Variants in ZNF575 observed in about 807,000 individuals in gnomAD.
ZNF575 encodes zinc finger protein 575.
Under a neutral mutation model 17.5 loss-of-function variants are expected in ZNF575, and 17 were observed. The observed-to-expected ratio is 0.97, with a 90% CI of 0.66 to 1.45. The LOEUF (loss-of-function observed/expected upper bound fraction) is 1.45, where lower values mean the gene tolerates loss of function less well. ZNF575 is among the 40% of genes most tolerant of loss of function. The probability of loss-of-function intolerance (pLI) is 0.00; values close to 1 mark genes in which losing one functional copy is unlikely to be tolerated. For missense variants in ZNF575, 352 were observed against 359.2 expected (o/e 0.98, Z 0.16); for synonymous variants, 146 against 158.3 (o/e 0.92, Z 0.58).
rs1420821075 is a variant in ZNF575 at position 43,535,743 on chromosome 19, G to A, written c.*56G>A. The A allele has an allele frequency of 1.1e-5, 16 of 1,506,360 alleles. No individual in the cohort carries two copies. Among genetic ancestry groups the A allele is most frequent in the Non-Finnish European group, 1.4e-5 (16 of 1,125,702 alleles). 93.3% of individuals were successfully genotyped at this position (1,506,360 alleles called of 1,614,324 possible). ...CGCCAGCCCTAGCCAGTAAGAGGTG[G>A]GATTTCTAAGACCGACTGTATGAGC... On this transcript the variant is annotated 3_prime_UTR_variant, in exon 4 of 4. Coordinates refer to ENST00000314228, the MANE Select transcript of ZNF575 (RefSeq NM_174945.3).
chr19:43,532,528 TCA>T (rs1374322106), upstream of ZNF575, among the ~76,000 whole-genome samples: 1 of 152,094 alleles, frequency 6.6e-6, no homozygotes, highest in Non-Finnish European at 1.5e-5. Flanking sequence ...CTAGAAAGGG[TCA>T]CACGGCTAGA....
rs190004609 is a variant in ZNF575 at position 43,534,316 on chromosome 19, C to A, written c.-86-21C>A. 5.9e-4 allele frequency: 636 copies of A among 1,085,166 alleles called. 2 individuals carry two copies. The African/African-American group carries it at 7.9e-3, about 13-fold the overall frequency. 67.2% of individuals were successfully genotyped at this position (1,085,166 alleles called of 1,614,324 possible). ...CATACTTGCAGACCTTGCTCCTAAA[C>A]AGTGTGATCCCTCATTTTAGGCCCT... On this transcript the variant is annotated intron_variant, in intron 2 of 3. Transcript: ENST00000314228.
upstream of ZNF575, chr19:43,531,904 G>A (rs906606218): frequency 7.3e-5 from 39 of 530,848 alleles, no homozygotes; most frequent in Middle Eastern, 9.7e-4. Flanking sequence ...CCCTACCCCC[G>A]TGAAATAGCT....
At chr19:43,532,636 G>A (rs1231723966), upstream of ZNF575, among the ~76,000 whole-genome samples, 1 of 152,168 alleles carries the variant, frequency 6.6e-6, no homozygotes, top group Non-Finnish European at 1.5e-5. Flanking sequence ...CAGACCTTGC[G>A]GGTTATCGGA....
upstream of ZNF575, among the ~76,000 whole-genome samples, chr19:43,532,365 G>A (rs999748055): frequency 1.2e-4 from 18 of 152,024 alleles, no homozygotes; most frequent in Admixed American, 1.1e-3. Flanking sequence ...CAAGTGATTC[G>A]CCCGCCTCTG....
upstream of ZNF575, among the ~76,000 whole-genome samples, chr19:43,532,260 G>A (rs1438661049): frequency 6.6e-6 from 1 of 151,824 alleles, no homozygotes; most frequent in African/African-American, 2.4e-5. Flanking sequence ...AACTCCTGAC[G>A]TCAGGTGATC....
At position 43,536,002 on chromosome 19, in the gene ZNF575, C is replaced by T. The variant is rs1972416460; in HGVS notation, c.*315C>T. Reference sequence around the variant, plus strand: ...GATGAGGATTGTGGGCAAACAGGCTCTCTTGTTAAAAGTTTAAACTGGTGT... The same window carrying T: ...GATGAGGATTGTGGGCAAACAGGCTTTCTTGTTAAAAGTTTAAACTGGTGT... On this transcript the variant is annotated 3_prime_UTR_variant, in exon 4 of 4. Transcript: ENST00000314228. 8.7e-6 allele frequency: 3 copies of T among 343,286 alleles called. No individual in the cohort carries two copies. The highest frequency in any genetic ancestry group is 1.1e-5 in the Non-Finnish European group (2 of 187,296). 21.3% of individuals were successfully genotyped at this position (343,286 alleles called of 1,614,324 possible). A position where few individuals can be genotyped will look rare whatever the true frequency, so the allele number is the denominator to read the frequency against.
chr19:43,535,006 C>T (rs1406637087), intron 3 of ZNF575, 23 bp from the exon 4 acceptor site: 4 of 1,410,692 alleles, frequency 2.8e-6, no homozygotes, highest in Non-Finnish European at 3.7e-6. Context: ...TTCCTGGAGC[C>T]CACCAGCCCT....
chr19:43,533,146 C>G (rs1972363065), upstream of ZNF575: 1 of 152,242 alleles, frequency 6.6e-6, no homozygotes, highest in Non-Finnish European at 1.5e-5. Context: ...AGTCAGCCAC[C>G]GTAGGCCCCG....
chr19:43,532,759 A>T (rs909006227), upstream of ZNF575, among the ~76,000 whole-genome samples: 1 of 152,218 alleles, frequency 6.6e-6, no homozygotes, highest in Non-Finnish European at 1.5e-5. Flanking sequence ...ATGCCACCCC[A>T]GGCCTGGCAC....
At position 43,533,394 on chromosome 19, in the gene ZNF575, C is replaced by G. The variant is rs1479670063; in HGVS notation, c.-322C>G. ...CTCCCTTGCCTGCCCTCCCCCGACG[C>G]CGGACGCGCGCCGGGCGGGGCAGCT... On this transcript the variant is annotated 5_prime_UTR_variant, in exon 1 of 4. Coordinates refer to ENST00000314228, the MANE Select transcript of ZNF575 (RefSeq NM_174945.3). 6.6e-6 allele frequency: 1 copy of G among 152,208 alleles called. No individual in the cohort carries two copies. The highest frequency in any genetic ancestry group is 1.5e-5 in the Non-Finnish European group (1 of 68,046). 9.4% of individuals were successfully genotyped at this position (152,208 alleles called of 1,614,324 possible). A position where few individuals can be genotyped will look rare whatever the true frequency, so the allele number is the denominator to read the frequency against.
chr19:43,531,036 T>C (rs1250588826), upstream of ZNF575, among the ~76,000 whole-genome samples: 1 of 149,852 alleles, frequency 6.7e-6, no homozygotes, highest in Non-Finnish European at 1.5e-5. Flanking sequence ...CCCAGCACCA[T>C]GGGAGGCCGA....
Position 43,535,392 on chromosome 19 carries a change from C to T in ZNF575, c.443C>T (p.Pro148Leu), listed in dbSNP as rs1972403001. 6.3e-7 allele frequency: 1 copy of T among 1,585,116 alleles called. No individual in the cohort carries two copies. The highest frequency in any genetic ancestry group is 1.3e-5 in the African/African-American group (1 of 74,114). Residue 148 changes from proline to leucine, a missense_variant, in exon 4 of 4, where the codon CCG (proline) becomes CTG (leucine). Pro to Leu is a moderately conservative substitution (Grantham distance 98). Coordinates refer to ENST00000314228, the MANE Select transcript of ZNF575 (RefSeq NM_174945.3). ...ACCCACGCACCCACCCGCCCCTACC[C>T]GTGCCCCGACTGCCCCAAGTCCTTC... ...LWTHAPTRPY[P>L]CPDCPKSFCY...
chr19:43,534,883 A>T, intron 3 of ZNF575, 146 bp from the exon 4 acceptor site: 1 of 759,158 alleles, frequency 1.3e-6, no homozygotes, highest in South Asian at 2.7e-5. Flanking sequence ...GAGCAGAAAC[A>T]TGCAATTTGG....
At position 43,535,037 on chromosome 19, in the gene ZNF575, C is replaced by A; in HGVS notation, c.88C>A (p.Gln30Lys). The A allele has an allele frequency of 6.8e-7, 1 of 1,464,058 alleles. No homozygotes were observed. Among genetic ancestry groups the A allele is most frequent in the Non-Finnish European group, 8.9e-7 (1 of 1,119,704 alleles). 90.7% of individuals were successfully genotyped at this position (1,464,058 alleles called of 1,614,324 possible). A position where few individuals can be genotyped will look rare whatever the true frequency, so the allele number is the denominator to read the frequency against. ...KEPVTKEAPH[Q>K]GPPQKPSQSA... is the part of the protein sequence containing the mutation. ...GCCCTCCTGTCCCCCAGCTCCCCAC[C>A]AGGGCCCACCGCAGAAGCCCAGCCA... is the stretch of plus-strand genomic sequence containing the variant. The change falls in exon 4 of 4, where the codon CAG becomes AAG. Residue 30 changes from glutamine to lysine, a missense_variant. Physicochemically the swap from Gln to Lys is moderately conservative, Grantham distance 53. Transcript: ENST00000314228.
chr19:43,535,310 T>C lies in ZNF575; in HGVS notation c.361T>C (p.Cys121Arg). ...LTHSGARPHP[C>R]PHCPKSFGHR... ...GCACAGCGGCGCCCGCCCGCACCCG[T>C]GCCCACACTGCCCGAAGTCCTTTGG... Residue 121 changes from cysteine (C) to arginine (R), a missense_variant, in exon 4 of 4, where the codon TGC (cysteine) becomes CGC (arginine). By Grantham distance (180) the Cys-to-Arg change is radical (BLOSUM62 -3). Transcript: ENST00000314228. 6.2e-7 allele frequency: 1 copy of C among 1,610,722 alleles called. No individual in the cohort carries two copies. The highest frequency in any genetic ancestry group is 1.3e-5 in the African/African-American group (1 of 74,362).
At chr19:43,531,764 G>T (rs1022423697), upstream of ZNF575, 7 of 650,266 alleles carry the variant, frequency 1.1e-5, no homozygotes, top group Admixed American at 4.8e-5. Context: ...AACAATACTG[G>T]TCATGAGTGA....
At position 43,534,521 on chromosome 19, in the gene ZNF575, G is replaced by GAGT. The variant is rs1972387618; in HGVS notation, c.79+23_79+25dup. On this transcript the variant is annotated intron_variant, in intron 3 of 3. Coordinates refer to ENST00000314228, the MANE Select transcript of ZNF575 (RefSeq NM_174945.3). ...AAGAAGGTGAGAGTGCCCCGCCTGT[G>GAGT]AGTAGGGAGCATTCTCCAGGAACGG... 1 of 1,427,694 alleles carries GAGT rather than the reference G, an allele frequency of 7.0e-7. No individual in the cohort carries two copies. The highest frequency in any genetic ancestry group is 1.8e-4 in the Middle Eastern group (1 of 5,426). 88.4% of individuals were successfully genotyped at this position (1,427,694 alleles called of 1,614,324 possible).
intron 3 of ZNF575, 42 bp from the exon 4 acceptor site, chr19:43,534,987 G>C (rs1181318876): frequency 1.7e-5 from 23 of 1,392,818 alleles, no homozygotes; most frequent in Non-Finnish European, 2.0e-5. Context: ...GGCCCAGGGC[G>C]TTGGCTGCTT....
Sources: gnomAD v4.1 joint callset for allele counts (sites outside exome capture counted in the v4.1 genomes callset) on GRCh38, gnomAD v4.1.1 for gene constraint, MANE v1.5 for transcripts, NCBI Gene and HGNC (gene_info 2026-07-23, HGNC 2026-07-21) for gene names.